Variants in TBC1D20 observed in about 807,000 individuals in gnomAD.
TBC1D20 encodes the protein chromosome 20 open reading frame 140.
A neutral mutation model predicts 41.6 loss-of-function variants in TBC1D20; 12 were observed. The observed-to-expected ratio is 0.29, with a 90% CI of 0.18 to 0.47. TBC1D20 has a LOEUF of 0.47. Among genes scored for constraint, TBC1D20 ranks in the 20% least tolerant of loss-of-function variants. The probability of loss-of-function intolerance (pLI) is 1.00; values close to 1 mark genes in which losing one functional copy is unlikely to be tolerated. For missense variants in TBC1D20, 421 were observed against 517.4 expected (o/e 0.81, Z 1.81); for synonymous variants, 205 against 204.8 (o/e 1.00, Z -0.01).
chr20:450,524 T>C (rs1184705151), intron 1 of TBC1D20: 1 of 152,172 alleles, frequency 6.6e-6, no homozygotes, highest in African/African-American at 2.4e-5. Context: ...CACCAGACAC[T>C]GCCACAGAGA....
intron 6 of TBC1D20, 143 bp downstream of exon 6, chr20:440,105 C>T: frequency 2.8e-6 from 3 of 1,081,232 alleles, no homozygotes; most frequent in Admixed American, 2.6e-5. Flanking sequence ...ATTAATACTG[C>T]ACAGAATGGT....
At chr20:457,959 C>G (rs2017570139) in intron 1 of TBC1D20, among the ~76,000 whole-genome samples, 1 of 151,908 alleles carries the variant, frequency 6.6e-6, no homozygotes. Flanking sequence ...TTTTTTTTAA[C>G]TTGGGAGTAC....
At chr20:450,234 C>T (rs912620889) in intron 1 of TBC1D20, among the ~76,000 whole-genome samples, 4 of 151,846 alleles carry the variant, frequency 2.6e-5, no homozygotes, top group Non-Finnish European at 4.4e-5. Flanking sequence ...CTGCAACCTC[C>T]CTGTCCCAGG....
Position 442,623 on chromosome 20 carries a change from T to C in TBC1D20, c.338-580A>G, listed in dbSNP as rs181824060. ...TCTGTGGATTAATTAGTTAACTATT[T>C]TTCAGTGTTGTTACTGATGTTGCTC... On this transcript the variant is annotated intron_variant, in intron 3 of 7. Coordinates refer to ENST00000354200, the MANE Select transcript of TBC1D20 (RefSeq NM_144628.4). 4.2e-4 allele frequency among the ~76,000 whole-genome samples: 64 copies of C among 152,364 alleles called. 2 individuals carry two copies. Among genetic ancestry groups the C allele is most frequent in the Admixed American group, 3.8e-3 (58 of 15,306 alleles).
At chr20:440,136 G>A in intron 6 of TBC1D20, 112 bp downstream of exon 6, 2 of 1,375,990 alleles carry the variant, frequency 1.5e-6, no homozygotes, top group Non-Finnish European at 2.0e-6. Flanking sequence ...ACCAGCCTGG[G>A]AAGTGCTGTC....
At chr20:442,718 G>T (rs1211975434) in intron 3 of TBC1D20, among the ~76,000 whole-genome samples, 5 of 152,170 alleles carry the variant, frequency 3.3e-5, no homozygotes, top group African/African-American at 1.2e-4. Flanking sequence ...GTAAAAAGAT[G>T]TCATGTTTGC....
Position 445,037 on chromosome 20 carries a change from G to A in TBC1D20, c.337+13C>T. On this transcript the variant is annotated intron_variant, in intron 3 of 7. Transcript: ENST00000354200. ...GTCTTTCCAAATGTGGCAGGACCGG[G>A]AGAGCTTCTCACCAGGAGGGAACCG... 1 of 1,596,282 alleles carries A rather than the reference G, an allele frequency of 6.3e-7. No homozygotes were observed. The highest frequency in any genetic ancestry group is 1.1e-5 in the South Asian group (1 of 89,224).
chr20:444,409 A>C (rs1456078155), intron 3 of TBC1D20, among the ~76,000 whole-genome samples: 1 of 152,206 alleles, frequency 6.6e-6, no homozygotes, highest in Admixed American at 6.5e-5. Flanking sequence ...TTCATGACCT[A>C]AAGGTGGAGT....
At chr20:456,604 G>A (rs2017544145) in intron 1 of TBC1D20, among the ~76,000 whole-genome samples, 1 of 151,994 alleles carries the variant, frequency 6.6e-6, no homozygotes, top group Non-Finnish European at 1.5e-5. Context: ...GCTCTTTGTT[G>A]CCCAGGCTGG....
intron 3 of TBC1D20, among the ~76,000 whole-genome samples, chr20:442,927 G>A (rs886583642): frequency 3.3e-5 from 5 of 151,984 alleles, no homozygotes; most frequent in East Asian, 1.9e-4. Context: ...GAAAAACCCC[G>A]TCTCTAATAA....
rs2017161323 is a variant in TBC1D20 at position 438,539 on chromosome 20, A to T, written c.*47T>A. 1 of 1,590,684 alleles carries T rather than the reference A, an allele frequency of 6.3e-7. No homozygotes were observed. The highest frequency in any genetic ancestry group is 1.4e-5 in the African/African-American group (1 of 74,064). ...TCCACCCCTCCCAATCCTTCCATGG[A>T]AGGGTGAGACCTTAATGTGATGTAA... On this transcript the variant is annotated 3_prime_UTR_variant, in exon 8 of 8. Transcript: ENST00000354200.
intron 3 of TBC1D20, among the ~76,000 whole-genome samples, chr20:444,005 C>T (rs1279943384): frequency 1.3e-5 from 2 of 152,060 alleles, no homozygotes; most frequent in African/African-American, 4.8e-5. Flanking sequence ...GTGGCGGGCA[C>T]CTGTAATCCC....
intron 1 of TBC1D20, among the ~76,000 whole-genome samples, chr20:448,816 C>G (rs2017387572): frequency 6.6e-6 from 1 of 151,614 alleles, no homozygotes; most frequent in South Asian, 2.1e-4. Context: ...TGCCACCATG[C>G]CTGGTCCAGA....
At chr20:461,582 G>A (rs938112509) in intron 1 of TBC1D20, among the ~76,000 whole-genome samples, 7 of 152,114 alleles carry the variant, frequency 4.6e-5, no homozygotes, top group African/African-American at 1.7e-4. Flanking sequence ...GCCTGATCTC[G>A]AAATCCTGGC....
chr20:441,411 A>C, intron 5 of TBC1D20, 177 bp downstream of exon 5: 1 of 609,696 alleles, frequency 1.6e-6, no homozygotes, highest in South Asian at 1.9e-5. Context: ...CACAGTCCCC[A>C]AAAATGCTCC....
chr20:445,057 G>A lies in TBC1D20; in HGVS notation c.330C>T (p.Phe110=). The A allele has an allele frequency of 6.2e-7, 1 of 1,601,322 alleles. No individual in the cohort carries two copies. Among genetic ancestry groups the A allele is most frequent in the Non-Finnish European group, 8.5e-7 (1 of 1,172,242 alleles). ...LLDVRRSLRR[F]PPGMPEEQRE... Reference sequence around the variant, plus strand: ...ACCGGGAGAGCTTCTCACCAGGAGGGAACCGCCGCAATGACCGCCGGACGT... The same window carrying A: ...ACCGGGAGAGCTTCTCACCAGGAGGAAACCGCCGCAATGACCGCCGGACGT... The change falls in exon 3 of 8, where the codon TTC becomes TTT. Residue 110 remains phenylalanine (F), a synonymous_variant. Transcript: ENST00000354200.
At chr20:453,153 CAAAAAAAAAAAAAAAAAAAAAAAAAA>C (rs71191943) in intron 1 of TBC1D20, among the ~76,000 whole-genome samples, 8 of 44,858 alleles carry the variant, frequency 1.8e-4, no homozygotes, top group African/African-American at 6.9e-4. Context: ...AACTCCGTTT[CAAAAAAAAAAAAAAAAAAAAAAAAAA>C]AAAAAAAAAC....
chr20:462,507 G>C lies in TBC1D20; in HGVS notation c.-102C>G, dbSNP rs1231449725. 4 of 645,144 alleles carry C rather than the reference G, an allele frequency of 6.2e-6. No homozygotes were observed. The highest frequency in any genetic ancestry group is 8.2e-6 in the Non-Finnish European group (4 of 488,036). 40.0% of individuals were successfully genotyped at this position (645,144 alleles called of 1,614,324 possible). On this transcript the variant is annotated 5_prime_UTR_variant, in exon 1 of 8. Coordinates refer to ENST00000354200, the MANE Select transcript of TBC1D20 (RefSeq NM_144628.4). The stretch of plus-strand genomic sequence containing the variant: ...CGTAGCACCCGCTCGGCATCGGCAG[G>C]CTCCCCTCCGTCGGCCAGCGGCGCG...
intron 1 of TBC1D20, among the ~76,000 whole-genome samples, chr20:459,524 C>T (rs2017595375): frequency 6.6e-6 from 1 of 152,202 alleles, no homozygotes; most frequent in African/African-American, 2.4e-5. Context: ...GACCGTCCTA[C>T]AGCTGGCTGC....
Sources: allele counts gnomAD v4.1 joint callset (sites outside exome capture counted in the v4.1 genomes callset), GRCh38; gene constraint gnomAD v4.1.1; transcripts MANE v1.5; gene names NCBI Gene and HGNC (gene_info 2026-07-23, HGNC 2026-07-21).